The following ASCC3 variants were observed in gnomAD, a reference collection of about 807,000 sequenced individuals.
ASCC3 encodes the protein ASC-1 complex subunit P200.
In ASCC3, 158 loss-of-function variants were observed where a neutral mutation model predicts 256.3. The observed-to-expected ratio is 0.62, with a 90% CI of 0.54 to 0.70. The LOEUF is 0.70. ASCC3 is among the 30% of genes least tolerant of loss of function. The pLI is 0.00. For missense variants in ASCC3, 2,259 were observed against 2,626.0 expected (o/e 0.86, Z 3.05); for synonymous variants, 948 against 883.4 (o/e 1.07, Z -1.30).
chr6:100,722,517 A>C (rs2115033024), intron 11 of ASCC3, among the ~76,000 whole-genome samples: 1 of 151,900 alleles, frequency 6.6e-6, no homozygotes, highest in South Asian at 2.1e-4. Context: ...ATGCATATGC[A>C]CCCAATTCTA....
At chr6:100,569,685 A>G (rs1770485564) in intron 36 of ASCC3, among the ~76,000 whole-genome samples, 2 of 151,968 alleles carry the variant, frequency 1.3e-5, no homozygotes, top group Non-Finnish European at 2.9e-5. Context: ...GGTTACTGTA[A>G]CCTTTTAATA....
chr6:100,656,129 T>TC (rs1775904108), intron 16 of ASCC3, among the ~76,000 whole-genome samples: 1 of 151,766 alleles, frequency 6.6e-6, no homozygotes, highest in African/African-American at 2.4e-5. Flanking sequence ...TATTTTTTTT[T>TC]CTTATTCAGT....
At chr6:100,672,298 T>C (rs574221291) in intron 14 of ASCC3, among the ~76,000 whole-genome samples, 8 of 152,218 alleles carry the variant, frequency 5.3e-5, no homozygotes, top group African/African-American at 1.9e-4. Flanking sequence ...CCTAAAAATA[T>C]TTCCACTTCT....
intron 13 of ASCC3, among the ~76,000 whole-genome samples, chr6:100,703,167 T>G (rs1778424223): frequency 6.6e-6 from 1 of 152,140 alleles, no homozygotes; most frequent in Non-Finnish European, 1.5e-5. Context: ...AGCTGCTTTT[T>G]CAAATAATTG....
intron 36 of ASCC3, among the ~76,000 whole-genome samples, chr6:100,563,712 C>T (rs182741748): frequency 2.0e-5 from 3 of 152,144 alleles, no homozygotes; most frequent in Admixed American, 2.0e-4. Context: ...AATGTAAATT[C>T]ATCTAAGGTT....
intron 29 of ASCC3, 72 bp from the exon 30 acceptor site, chr6:100,625,406 A>C (rs1387260627): frequency 1.3e-6 from 2 of 1,531,604 alleles, no homozygotes; most frequent in African/African-American, 1.4e-5. Flanking sequence ...TAGGATATCA[A>C]ATGGATACAT....
At chr6:100,732,805 T>C (rs1198559845) in intron 10 of ASCC3, among the ~76,000 whole-genome samples, 1 of 152,132 alleles carries the variant, frequency 6.6e-6, no homozygotes, top group Non-Finnish European at 1.5e-5. Context: ...TTCGAGTAAC[T>C]GCCACTGCCA....
intron 25 of ASCC3, among the ~76,000 whole-genome samples, chr6:100,635,294 T>C (rs1353246775): frequency 6.6e-6 from 1 of 152,022 alleles, no homozygotes; most frequent in African/African-American, 2.4e-5. Flanking sequence ...TTCAACAATA[T>C]AGATGAACCC....
At chr6:100,543,115 A>C (rs763656044) in intron 36 of ASCC3, among the ~76,000 whole-genome samples, 1 of 152,182 alleles carries the variant, frequency 6.6e-6, no homozygotes, top group Non-Finnish European at 1.5e-5. Flanking sequence ...AGATACTTAA[A>C]TCCAGATACT....
At chr6:100,541,242 CAG>C (rs1024142897) in intron 36 of ASCC3, among the ~76,000 whole-genome samples, 1 of 151,062 alleles carries the variant, frequency 6.6e-6, no homozygotes, top group Admixed American at 6.6e-5. Context: ...AATATTCAAA[CAG>C]GGGCTGGATT....
chr6:100,683,644 T>C lies in ASCC3; in HGVS notation c.2152-3892A>G, dbSNP rs150627133. Among the ~76,000 whole-genome samples the C allele has an allele frequency of 2.2e-3, 332 of 152,242 alleles. 2 individuals are homozygous for C. Among genetic ancestry groups the C allele is most frequent in the Admixed American group, 0.016 (245 of 15,288 alleles). The stretch of plus-strand genomic sequence containing the variant: ...TGACAGAAATAACTCCAAATTAATA[T>C]TAGAAACACTTTTTGGTAACTGAGC... On this transcript the variant is annotated intron_variant, in intron 13 of 41. Transcript: ENST00000369162.
intron 37 of ASCC3, among the ~76,000 whole-genome samples, chr6:100,526,478 G>A (rs1054796878): frequency 2.0e-5 from 3 of 152,126 alleles, no homozygotes; most frequent in African/African-American, 4.8e-5. Flanking sequence ...TCACCCAGAG[G>A]GAAAACAGCC....
intron 4 of ASCC3, among the ~76,000 whole-genome samples, chr6:100,809,584 G>A (rs555273073): frequency 6.6e-6 from 1 of 152,068 alleles, no homozygotes; most frequent in African/African-American, 2.4e-5. Flanking sequence ...TTAGTTTCTG[G>A]TATAGTGAAT....
chr6:100,864,234 G>A lies in ASCC3; in HGVS notation c.91-20C>T. On this transcript the variant is annotated intron_variant, in intron 2 of 41. Coordinates refer to ENST00000369162, the MANE Select transcript of ASCC3 (RefSeq NM_006828.4). ...CTTTATCTGAAACAGAGATTATAAT[G>A]TAGAAAAGTACTGCTTAAAGTTCTT... 6.4e-7 allele frequency: 1 copy of A among 1,561,366 alleles called. No homozygotes were observed. The highest frequency in any genetic ancestry group is 8.8e-7 in the Non-Finnish European group (1 of 1,139,374).
chr6:100,854,583 T>C (rs1270583656), intron 3 of ASCC3, among the ~76,000 whole-genome samples: 2 of 152,170 alleles, frequency 1.3e-5, no homozygotes, highest in Non-Finnish European at 2.9e-5. Flanking sequence ...GTTCAAGGCA[T>C]TTCCCTATGT....
Position 100,655,598 on chromosome 6 carries a change from T to G in ASCC3, c.2823+101A>C. The G allele has an allele frequency of 3.6e-6, 5 of 1,388,588 alleles. No individual in the cohort carries two copies. In the South Asian group the frequency reaches 4.9e-5, roughly 14 times the overall value. The allele number at this position is 1,388,588 out of a possible 1,614,324, so 86.0% of individuals were successfully genotyped here. ...CTCTTGTTTTTCTTCTAGGTACCTC[T>G]TTTCAGATGAGGCAAGAGCAGCAAA... On this transcript the variant is annotated intron_variant, in intron 17 of 41. Transcript: ENST00000369162.
chr6:100,664,228 G>GT (rs1290813025), intron 14 of ASCC3, among the ~76,000 whole-genome samples: 3 of 151,894 alleles, frequency 2.0e-5, no homozygotes, highest in Admixed American at 6.6e-5. Flanking sequence ...TTTTTGAACA[G>GT]TTTTTTCCCT....
chr6:100,523,473 T>C (rs1405067333), intron 37 of ASCC3, among the ~76,000 whole-genome samples: 2 of 152,140 alleles, frequency 1.3e-5, no homozygotes, highest in African/African-American at 2.4e-5. Context: ...AGATAAATTA[T>C]CTGCTTCCAG....
At chr6:100,537,330 C>T (rs1248918677) in intron 37 of ASCC3, among the ~76,000 whole-genome samples, 1 of 152,086 alleles carries the variant, frequency 6.6e-6, no homozygotes, top group Non-Finnish European at 1.5e-5. Flanking sequence ...CAAATCCAAA[C>T]TGTGGGATAA....
Sources: allele counts gnomAD v4.1 joint callset (sites outside exome capture counted in the v4.1 genomes callset), GRCh38; gene constraint gnomAD v4.1.1; transcripts MANE v1.5; gene names NCBI Gene and HGNC (gene_info 2026-07-23, HGNC 2026-07-21).